The following GALNT1 variants were observed in gnomAD, a reference collection of about 807,000 sequenced individuals.
The protein encoded by GALNT1 is GalNAc transferase 1.
Under a neutral mutation model 65.7 loss-of-function variants are expected in GALNT1, and 17 were observed. That is an observed-to-expected ratio of 0.26 (90% CI 0.18 to 0.39). The LOEUF is 0.39. Among genes scored for constraint, GALNT1 ranks in the 10% least tolerant of loss-of-function variants. The pLI, the probability that GALNT1 is intolerant of heterozygous loss-of-function variation, is 1.00. For synonymous variants in GALNT1, 210 were observed against 219.7 expected (o/e 0.96, Z 0.39); for missense variants, 460 against 672.8 (o/e 0.68, Z 3.50).
At chr18:35,689,440 TAGTA>T (rs2047921322) in intron 7 of GALNT1, 150 bp downstream of exon 7, 1 of 584,460 alleles carries the variant, frequency 1.7e-6, no homozygotes, top group East Asian at 3.0e-5. Flanking sequence ...AAAGGACTGA[TAGTA>T]AGGGTTCATT....
Position 35,611,811 on chromosome 18 carries a change from C to T in GALNT1, c.-104+29949C>T, listed in dbSNP as rs184989916. On this transcript the variant is annotated intron_variant, in intron 1 of 11. Transcript: ENST00000269195. Reference sequence around the variant, plus strand: ...TGCAGTGTTTGACTGCCTTGGGAAACATTCTTAACTCAGTCTGTTTTGTTT... The same window carrying T: ...TGCAGTGTTTGACTGCCTTGGGAAATATTCTTAACTCAGTCTGTTTTGTTT... Among the ~76,000 whole-genome samples, 124 of 152,280 alleles carry T rather than the reference C, an allele frequency of 8.1e-4. 1 individual carries two copies. Among genetic ancestry groups the T allele is most frequent in the Admixed American group, 6.9e-3 (105 of 15,296 alleles).
chr18:35,662,458 G>C (rs534961702), intron 2 of GALNT1, among the ~76,000 whole-genome samples: 1 of 152,256 alleles, frequency 6.6e-6, no homozygotes, highest in East Asian at 1.9e-4. Flanking sequence ...ACAGTGAATA[G>C]TTTCATATCC....
At chr18:35,662,894 A>C (rs2047497321) in intron 2 of GALNT1, among the ~76,000 whole-genome samples, 3 of 152,180 alleles carry the variant, frequency 2.0e-5, no homozygotes, top group Admixed American at 1.3e-4. Flanking sequence ...GTCTGTATCA[A>C]GAGATAACAT....
At position 35,709,746 on chromosome 18, in the gene GALNT1, C is replaced by A. The variant is rs768559745; in HGVS notation, c.1656C>A (p.Asn552Lys). Reference protein sequence around the residue: ...GSRSQQWLLRNVTLPEIF With the variant: ...GSRSQQWLLRKVTLPEIF ...GGTCCCAGCAGTGGCTTCTTCGAAA[C>A]GTCACCCTGCCAGAAATATTCTGAG... Residue 552 changes from asparagine to lysine, a missense_variant, in exon 12 of 12, where the codon AAC becomes AAA. Coordinates refer to ENST00000269195, the MANE Select transcript of GALNT1 (RefSeq NM_020474.4). 6.2e-7 allele frequency: 1 copy of A among 1,613,982 alleles called. No individual in the cohort carries two copies.
chr18:35,688,759 A>AAT (rs2047909012), intron 6 of GALNT1, among the ~76,000 whole-genome samples: 1 of 152,210 alleles, frequency 6.6e-6, no homozygotes, highest in African/African-American at 2.4e-5. Flanking sequence ...CTACTTGGTT[A>AAT]ATATAGTCAA....
intron 1 of GALNT1, among the ~76,000 whole-genome samples, chr18:35,608,702 G>A (rs1598783007): frequency 1.3e-5 from 2 of 152,154 alleles, no homozygotes; most frequent in Non-Finnish European, 2.9e-5. Context: ...TCACAGTTTG[G>A]CAGAGGCAAC....
chr18:35,670,565 G>T (rs1273257626), intron 3 of GALNT1, among the ~76,000 whole-genome samples: 2 of 152,086 alleles, frequency 1.3e-5, no homozygotes, highest in African/African-American at 2.4e-5. Flanking sequence ...TAAAGATGTT[G>T]GTTCTTTCTA....
chr18:35,654,947 T>A, intron 2 of GALNT1, 146 bp downstream of exon 2: 1 of 497,682 alleles, frequency 2.0e-6, no homozygotes, highest in Non-Finnish European at 3.2e-6. Context: ...TATTGATAGT[T>A]CTCCAATGGG....
chr18:35,633,697 T>TA (rs968373431), intron 1 of GALNT1, among the ~76,000 whole-genome samples: 4 of 152,010 alleles, frequency 2.6e-5, no homozygotes, highest in Admixed American at 6.6e-5. Context: ...AGTATTATAA[T>TA]AAAAAAAATT....
chr18:35,613,995 G>A (rs1426760015), intron 1 of GALNT1, among the ~76,000 whole-genome samples: 4 of 152,066 alleles, frequency 2.6e-5, no homozygotes, highest in Non-Finnish European at 4.4e-5. Context: ...ATTGACACAG[G>A]TAAAGTTTCT....
intron 3 of GALNT1, among the ~76,000 whole-genome samples, chr18:35,666,191 A>T (rs1390928092): frequency 6.6e-6 from 1 of 152,232 alleles, no homozygotes; most frequent in East Asian, 1.9e-4. Flanking sequence ...TTCAGGGAAA[A>T]CTTTAAAAAA....
intron 3 of GALNT1, among the ~76,000 whole-genome samples, chr18:35,676,813 ATTT>A (rs2047717750): frequency 6.6e-6 from 1 of 152,146 alleles, no homozygotes; most frequent in East Asian, 1.9e-4. Flanking sequence ...TTATCTAGTA[ATTT>A]CATCTAGCTA....
intron 1 of GALNT1, among the ~76,000 whole-genome samples, chr18:35,603,100 G>A (rs995252287): frequency 2.0e-5 from 3 of 152,154 alleles, no homozygotes; most frequent in Non-Finnish European, 4.4e-5. Flanking sequence ...CTTGGCTCTT[G>A]CAAATACTCA....
chr18:35,640,799 T>TA (rs2047150799), intron 1 of GALNT1, among the ~76,000 whole-genome samples: 1 of 152,228 alleles, frequency 6.6e-6, no homozygotes, highest in Non-Finnish European at 1.5e-5. Flanking sequence ...AAGTTGGTAT[T>TA]ACACTCCTTT....
rs182736298 is a variant in GALNT1 at position 35,647,470 on chromosome 18, G to A, written c.-103-7090G>A. On this transcript the variant is annotated intron_variant, in intron 1 of 11. Transcript: ENST00000269195. Reference sequence around the variant, plus strand: ...TAATACATTGATTATAGTTCTGTTTGAGAAATAGAGCAAATAGAATATAAA... The same window carrying A: ...TAATACATTGATTATAGTTCTGTTTAAGAAATAGAGCAAATAGAATATAAA... Among the ~76,000 whole-genome samples, 3 of 152,250 alleles carry A rather than the reference G, an allele frequency of 2.0e-5. No individual in the cohort carries two copies. In the East Asian group the frequency reaches 5.8e-4, roughly 29 times the overall value.
In GALNT1 at chr18:35,621,554, T is replaced by TTGCCCAGG. The variant is rs1411735348; in HGVS notation, c.-103-33006_-103-33005insTGCCCAGG. Among the ~76,000 whole-genome samples the TTGCCCAGG allele has an allele frequency of 5.4e-4, 77 of 141,774 alleles. 1 individual carries two copies. The highest frequency in any genetic ancestry group is 2.1e-3 in the African/African-American group (76 of 36,536). 93.0% of individuals were successfully genotyped at this position (141,774 alleles called of 152,430 possible). On this transcript the variant is annotated intron_variant, in intron 1 of 11. Coordinates refer to ENST00000269195, the MANE Select transcript of GALNT1 (RefSeq NM_020474.4). Reference sequence around the variant, plus strand: ...TCTGATACTAATCTTTTGTTCATTATCTGTATGTATCTGAATATTTCTTCC... The same window carrying TTGCCCAGG: ...TCTGATACTAATCTTTTGTTCATTATTGCCCAGGCTGTATGTATCTGAATATTTCTTCC...
chr18:35,653,458 C>T (rs1335061710), intron 1 of GALNT1, among the ~76,000 whole-genome samples: 1 of 152,184 alleles, frequency 6.6e-6, no homozygotes, highest in Non-Finnish European at 1.5e-5. Context: ...TTGTAAGAAG[C>T]TGTTATCTTG....
At chr18:35,617,432 G>A (rs889336750) in intron 1 of GALNT1, among the ~76,000 whole-genome samples, 9 of 152,132 alleles carry the variant, frequency 5.9e-5, no homozygotes, top group Non-Finnish European at 1.0e-4. Context: ...TCTGAAACAC[G>A]TTTAAAAGTT....
intron 1 of GALNT1, among the ~76,000 whole-genome samples, chr18:35,632,893 A>G (rs187906557): frequency 2.4e-4 from 36 of 152,372 alleles, no homozygotes; most frequent in African/African-American, 7.9e-4. Context: ...GAAGGATATG[A>G]ACAGACACTT....
Sources: gnomAD v4.1 joint callset for allele counts (sites outside exome capture counted in the v4.1 genomes callset) on GRCh38, gnomAD v4.1.1 for gene constraint, MANE v1.5 for transcripts, NCBI Gene and HGNC (gene_info 2026-07-23, HGNC 2026-07-21) for gene names.